The following STAG1 variants were observed in gnomAD, a reference collection of about 807,000 sequenced individuals.
STAG1 encodes the protein STAG1 cohesin complex component.
Under a neutral mutation model 170.9 loss-of-function variants are expected in STAG1, and 26 were observed. The observed-to-expected ratio is 0.15, with a 90% confidence interval of 0.11 to 0.21. STAG1 has a LOEUF of 0.21. STAG1 is among the 10% of genes least tolerant of loss of function. The pLI is 1.00. For missense variants in STAG1, 964 were observed against 1,509.5 expected, an observed-to-expected ratio of 0.64 and a Z score of 5.99; for synonymous variants, 514 against 497.7, an observed-to-expected ratio of 1.03 and a Z score of -0.44.
intron 4 of STAG1, among the ~76,000 whole-genome samples, chr3:136,576,878 G>A (rs1404346779): frequency 6.6e-6 from 1 of 152,176 alleles, no homozygotes; most frequent in Admixed American, 6.5e-5. Context: ...CTATACTGCT[G>A]CTTAAGAGTA....
intron 23 of STAG1, among the ~76,000 whole-genome samples, chr3:136,374,329 A>AC (rs397793971): frequency 4.0e-5 from 6 of 148,490 alleles, no homozygotes; most frequent in African/African-American, 1.6e-4. Context: ...TAAGAAAAAA[A>AC]TATTTTGGCC....
chr3:136,737,857 C>G (rs1934430808), intron 1 of STAG1, among the ~76,000 whole-genome samples: 1 of 151,162 alleles, frequency 6.6e-6, no homozygotes, highest in Non-Finnish European at 1.5e-5. Flanking sequence ...ATCTCAAGGT[C>G]AGGGGTTCAA....
At chr3:136,352,172 A>T (rs1156443926) in intron 28 of STAG1, among the ~76,000 whole-genome samples, 2 of 151,958 alleles carry the variant, frequency 1.3e-5, no homozygotes, top group South Asian at 2.1e-4. Flanking sequence ...TTATTTATTT[A>T]TTTTTTTGAG....
intron 28 of STAG1, among the ~76,000 whole-genome samples, chr3:136,354,599 G>C (rs1300263954): frequency 6.6e-6 from 1 of 151,552 alleles, no homozygotes. Context: ...ACTGCACTCG[G>C]CCAGTAAATT....
chr3:136,584,349 T>C (rs1937699851), intron 4 of STAG1, among the ~76,000 whole-genome samples: 1 of 152,196 alleles, frequency 6.6e-6, no homozygotes, highest in Non-Finnish European at 1.5e-5. Flanking sequence ...CCAGTAACCT[T>C]GGAATATTAC....
chr3:136,550,883 A>C (rs1310968468), intron 5 of STAG1, among the ~76,000 whole-genome samples: 1 of 152,142 alleles, frequency 6.6e-6, no homozygotes, highest in African/African-American at 2.4e-5. Flanking sequence ...TCACGGTTAG[A>C]CAGGGTTTAT....
At chr3:136,601,493 T>C (rs1938673672) in intron 4 of STAG1, among the ~76,000 whole-genome samples, 1 of 152,140 alleles carries the variant, frequency 6.6e-6, no homozygotes, top group African/African-American at 2.4e-5. Flanking sequence ...CTGATCATTA[T>C]CTTTCAGAAA....
intron 10 of STAG1, among the ~76,000 whole-genome samples, chr3:136,476,742 C>T (rs1225801206): frequency 6.6e-6 from 1 of 152,068 alleles, no homozygotes; most frequent in Non-Finnish European, 1.5e-5. Context: ...TACGTAAATG[C>T]CACACCTGGC....
intron 22 of STAG1, among the ~76,000 whole-genome samples, chr3:136,396,528 T>C (rs1195820146): frequency 1.9e-5 from 2 of 104,352 alleles, no homozygotes; most frequent in African/African-American, 7.9e-5. Flanking sequence ...GCCTTTTTTT[T>C]TTTTTTTTTT....
At chr3:136,466,150 G>T (rs376359230) in intron 12 of STAG1, among the ~76,000 whole-genome samples, 35 of 152,308 alleles carry the variant, frequency 2.3e-4, no homozygotes, top group Non-Finnish European at 4.0e-4. Flanking sequence ...AAAGCTGGAC[G>T]GAGAATGACT....
chr3:136,433,692 G>T, intron 15 of STAG1, 33 bp from the exon 16 acceptor site: 1 of 1,438,110 alleles, frequency 7.0e-7, no homozygotes, highest in South Asian at 1.2e-5. Flanking sequence ...AGCATGAGTA[G>T]ACAGTTTTAC....
intron 1 of STAG1, among the ~76,000 whole-genome samples, chr3:136,744,608 A>T (rs1156458624): frequency 6.6e-6 from 1 of 151,456 alleles, no homozygotes; most frequent in Non-Finnish European, 1.5e-5. Flanking sequence ...TGAGATTACA[A>T]TTCAATGCTT....
At chr3:136,417,033 G>A (rs1168706255) in intron 21 of STAG1, among the ~76,000 whole-genome samples, 2 of 152,016 alleles carry the variant, frequency 1.3e-5, no homozygotes, top group African/African-American at 4.8e-5. Context: ...TTTTAGTAGA[G>A]ATGGGGTTTC....
At chr3:136,514,270 T>G (rs2107891742) in intron 7 of STAG1, among the ~76,000 whole-genome samples, 1 of 152,330 alleles carries the variant, frequency 6.6e-6, no homozygotes, top group East Asian at 1.9e-4. Context: ...CAGACACTTC[T>G]CAAAAGAAGA....
chr3:136,373,967 T>C (rs1251055455), intron 23 of STAG1, among the ~76,000 whole-genome samples: 2 of 152,172 alleles, frequency 1.3e-5, no homozygotes, highest in Non-Finnish European at 2.9e-5. Context: ...TATTATTGTG[T>C]GGGAGTCTAA....
At chr3:136,635,027 A>G (rs1248272484) in intron 1 of STAG1, among the ~76,000 whole-genome samples, 1 of 152,232 alleles carries the variant, frequency 6.6e-6, no homozygotes, top group African/African-American at 2.4e-5. Context: ...GCCCAGGACC[A>G]GATGGCCTTA....
At chr3:136,601,764 G>A (rs767891360) in intron 4 of STAG1, among the ~76,000 whole-genome samples, 2 of 152,082 alleles carry the variant, frequency 1.3e-5, no homozygotes, top group African/African-American at 2.4e-5. Flanking sequence ...TTGAACCTGT[G>A]GGGCAGAAGT....
At chr3:136,657,361 G>A (rs1941422496) in intron 1 of STAG1, among the ~76,000 whole-genome samples, 2 of 151,938 alleles carry the variant, frequency 1.3e-5, no homozygotes, top group Admixed American at 6.6e-5. Context: ...ACCACGCCTA[G>A]CTAATTTTTG....
intron 21 of STAG1, among the ~76,000 whole-genome samples, chr3:136,406,461 T>C (rs867786650): frequency 1.3e-5 from 2 of 152,218 alleles, no homozygotes; most frequent in Admixed American, 1.3e-4. Flanking sequence ...GAAACTGTTA[T>C]GTATCTTGAT....
Sources: gnomAD v4.1 joint callset for allele counts (sites outside exome capture counted in the v4.1 genomes callset) on GRCh38, gnomAD v4.1.1 for gene constraint, MANE v1.5 for transcripts, NCBI Gene and HGNC (gene_info 2026-07-23, HGNC 2026-07-21) for gene names.